Variants in PTK2 observed in about 807,000 individuals in gnomAD.
The protein encoded by PTK2 is protein tyrosine kinase 2.
PTK2 carries 45 observed loss-of-function variants against 150.1 expected under a neutral mutation model. The observed-to-expected ratio is 0.30, with a 90% confidence interval of 0.24 to 0.38. PTK2 has a LOEUF of 0.38. Ranked by LOEUF, PTK2 falls within the 10% of genes least tolerant of loss-of-function variation. The pLI is 1.00. For missense variants in PTK2, 919 were observed against 1,307.3 expected, an observed-to-expected ratio of 0.70 and a Z score of 4.58; for synonymous variants, 432 against 449.2, an observed-to-expected ratio of 0.96 and a Z score of 0.48.
intron 2 of PTK2, among the ~76,000 whole-genome samples, chr8:140,915,603 A>AC (rs2100164928): frequency 6.6e-6 from 1 of 151,676 alleles, no homozygotes; most frequent in Non-Finnish European, 1.5e-5. Context: ...TTGGGCAAAA[A>AC]CCCCATATCC....
chr8:140,687,451 C>CTTAGCCTGTGCCTTACAGATACCTCTA lies in PTK2; in HGVS notation c.2500-784_2500-758dup, dbSNP rs1590147444. Among the ~76,000 whole-genome samples, 3 of 152,326 alleles carry CTTAGCCTGTGCCTTACAGATACCTCTA rather than the reference C, an allele frequency of 2.0e-5. No homozygotes were observed. The East Asian group carries it at 5.8e-4, about 29-fold the overall frequency. ...CCTCTTCAAGCAGAGCTGGTCGCTT[C>CTTAGCCTGTGCCTTACAGATACCTCTA]TTAGCCTGTGCCTTACAGATACCTC... is the stretch of plus-strand genomic sequence containing the variant. On this transcript the variant is annotated intron_variant, in intron 26 of 31. Transcript: ENST00000522684.
chr8:140,747,987 T>C (rs2100060445), intron 17 of PTK2, among the ~76,000 whole-genome samples: 1 of 151,280 alleles, frequency 6.6e-6, no homozygotes, highest in Non-Finnish European at 1.5e-5. Context: ...GGGGAGGAGG[T>C]GAAATGGGAT....
At chr8:140,883,078 G>A (rs2100150120) in intron 3 of PTK2, among the ~76,000 whole-genome samples, 1 of 152,094 alleles carries the variant, frequency 6.6e-6, no homozygotes, top group Non-Finnish European at 1.5e-5. Context: ...TTATTATTTT[G>A]CTTGGTTCCA....
chr8:140,913,492 C>T (rs1393332237), intron 2 of PTK2, among the ~76,000 whole-genome samples: 3 of 152,078 alleles, frequency 2.0e-5, no homozygotes, highest in African/African-American at 7.2e-5. Flanking sequence ...GACAGGGTTT[C>T]ACCATGTTGG....
At chr8:140,871,675 C>G (rs780381308) in intron 4 of PTK2, among the ~76,000 whole-genome samples, 2 of 152,136 alleles carry the variant, frequency 1.3e-5, no homozygotes, top group African/African-American at 2.4e-5. Context: ...TGGCATGCGC[C>G]TATGATCCCA....
chr8:140,747,977 G>C (rs1286319372), intron 17 of PTK2, among the ~76,000 whole-genome samples: 1 of 152,026 alleles, frequency 6.6e-6, no homozygotes, highest in Non-Finnish European at 1.5e-5. Context: ...TGAATTGCTG[G>C]GGGAGGAGGT....
exon 22 of PTK2, chr8:140,735,423 C>A (rs1203576300): frequency 6.2e-7 from 1 of 1,614,158 alleles, no homozygotes. Flanking sequence ...AAAGGCTTCA[C>A]ACCATGCATC....
upstream of PTK2, among the ~76,000 whole-genome samples, chr8:141,001,751 C>T (rs748313604): frequency 2.0e-4 from 30 of 152,236 alleles, no homozygotes; most frequent in Non-Finnish European, 4.0e-4. Context: ...CGGGCACCCG[C>T]TGCGGGCCCC....
At chr8:140,806,726 A>C (rs2100098361) in intron 10 of PTK2, among the ~76,000 whole-genome samples, 1 of 152,182 alleles carries the variant, frequency 6.6e-6, no homozygotes, top group Admixed American at 6.5e-5. Context: ...GTCTGACTAG[A>C]GTGCCTTCCA....
At chr8:140,779,155 G>A (rs963688442) in intron 14 of PTK2, among the ~76,000 whole-genome samples, 3 of 151,684 alleles carry the variant, frequency 2.0e-5, no homozygotes, top group African/African-American at 7.3e-5. Flanking sequence ...CCAGCTACTC[G>A]GGAGGCTGAG....
chr8:140,819,783 T>G (rs971434318), intron 8 of PTK2, among the ~76,000 whole-genome samples: 1 of 152,230 alleles, frequency 6.6e-6, no homozygotes, highest in African/African-American at 2.4e-5. Flanking sequence ...ATGCTTTTGC[T>G]TTTTTCATGA....
At chr8:140,883,303 C>T (rs1237829579) in intron 3 of PTK2, among the ~76,000 whole-genome samples, 1 of 152,138 alleles carries the variant, frequency 6.6e-6, no homozygotes, top group Non-Finnish European at 1.5e-5. Context: ...AAGAGTCTCA[C>T]AGGAGAAAGA....
At chr8:140,704,642 C>T (rs532672411) in intron 24 of PTK2, among the ~76,000 whole-genome samples, 2 of 152,278 alleles carry the variant, frequency 1.3e-5, no homozygotes, top group East Asian at 1.9e-4. Flanking sequence ...GGCACAGACT[C>T]GGGCTGTTCC....
chr8:141,001,273 T>TCGAGGCCGTGCTGCGTCGGCG (rs1470261354), upstream of PTK2: 1 of 146,630 alleles, frequency 6.8e-6, no homozygotes, highest in African/African-American at 2.5e-5. Context: ...GCTCGCGCCC[T>TCGAGGCCGTGCTGCGTCGGCG]CGAGGCCGTG....
At chr8:140,891,754 A>T (rs1412954921) in intron 2 of PTK2, among the ~76,000 whole-genome samples, 1 of 152,220 alleles carries the variant, frequency 6.6e-6, no homozygotes, top group Non-Finnish European at 1.5e-5. Context: ...CCAAGCTGAG[A>T]AGGAGCCTCT....
chr8:140,757,788 T>C (rs536594582), intron 16 of PTK2, among the ~76,000 whole-genome samples: 4 of 152,184 alleles, frequency 2.6e-5, no homozygotes, highest in Non-Finnish European at 5.9e-5. Context: ...CAAAGTAACA[T>C]TTTGGTCAAT....
chr8:140,976,138 C>T (rs2100189188), intron 1 of PTK2, among the ~76,000 whole-genome samples: 1 of 152,150 alleles, frequency 6.6e-6, no homozygotes, highest in South Asian at 2.1e-4. Context: ...AACTAACTTG[C>T]CAAAAGTCAC....
chr8:140,744,776 A>G lies in PTK2; in HGVS notation c.1519-9T>C. The G allele has an allele frequency of 1.4e-6, 2 of 1,475,334 alleles. No homozygotes were observed. Among genetic ancestry groups the G allele is most frequent in the Non-Finnish European group, 1.9e-6 (2 of 1,079,348 alleles). 91.4% of individuals were successfully genotyped at this position (1,475,334 alleles called of 1,614,324 possible). ...TGCAAAAATGACCTCAGCTTTTGGA[A>G]CAATGACCAAAAGAAAAAAAAAAAA... is the stretch of plus-strand genomic sequence containing the variant. On this transcript the variant is annotated splice_polypyrimidine_tract_variant and intron_variant, in intron 18 of 31. Coordinates refer to ENST00000522684, the Ensembl canonical transcript of PTK2.
intron 26 of PTK2, among the ~76,000 whole-genome samples, chr8:140,698,948 T>TA (rs2100028552): frequency 1.4e-5 from 2 of 143,632 alleles, no homozygotes; most frequent in South Asian, 4.3e-4. Flanking sequence ...TTTTTTTTTT[T>TA]AGTAGAGACG....
Sources: gnomAD v4.1 joint callset for allele counts (sites outside exome capture counted in the v4.1 genomes callset) on GRCh38, gnomAD v4.1.1 for gene constraint, MANE v1.5 for transcripts, NCBI Gene and HGNC (gene_info 2026-07-23, HGNC 2026-07-21) for gene names.